UBE2L3: variants seen among roughly 807,000 people sequenced by gnomAD.
UBE2L3 encodes the protein ubiquitin conjugating enzyme E2 L3.
In UBE2L3, 1 loss-of-function variant was observed where a neutral mutation model predicts 17.8. The ratio of observed to expected loss-of-function variants is 0.06; its 90% CI spans 0.02 to 0.27. The LOEUF is 0.27. Ranked by LOEUF, UBE2L3 falls within the 10% of genes least tolerant of loss-of-function variation. The pLI is 1.00. For missense variants in UBE2L3, 40 were observed against 192.6 expected, an observed-to-expected ratio of 0.21 and a Z score of 4.69; for synonymous variants, 44 against 68.5, an observed-to-expected ratio of 0.64 and a Z score of 1.76.
chr22:21,595,757 T>C (rs1468204367), intron 2 of UBE2L3, among the ~76,000 whole-genome samples: 1 of 152,210 alleles, frequency 6.6e-6, no homozygotes, highest in African/African-American at 2.4e-5. Context: ...ACATTTTGTG[T>C]ACTGCCCTTT....
At chr22:21,573,286 G>T (rs1476915390) in intron 1 of UBE2L3, among the ~76,000 whole-genome samples, 1 of 151,992 alleles carries the variant, frequency 6.6e-6, no homozygotes, top group East Asian at 1.9e-4. Context: ...TTCCTTCAAG[G>T]TCTTGTCTCA....
At chr22:21,572,210 G>A (rs753879085) in intron 1 of UBE2L3, among the ~76,000 whole-genome samples, 8 of 151,958 alleles carry the variant, frequency 5.3e-5, no homozygotes, top group South Asian at 2.1e-4. Flanking sequence ...CGAGGTGGGC[G>A]GATCATGAGG....
At chr22:21,565,754 CAAAAA>C (rs131662), upstream of UBE2L3, among the ~76,000 whole-genome samples, 7 of 30,276 alleles carry the variant, frequency 2.3e-4, no homozygotes, top group African/African-American at 6.6e-4. Context: ...AACTGTGTCT[CAAAAA>C]AAAAAAAAAA....
At chr22:21,575,357 G>A (rs907993811) in intron 1 of UBE2L3, among the ~76,000 whole-genome samples, 8 of 149,814 alleles carry the variant, frequency 5.3e-5, no homozygotes, top group African/African-American at 1.2e-4. Flanking sequence ...AGGTCAAGGC[G>A]GGTGGATCAC....
intron 1 of UBE2L3, among the ~76,000 whole-genome samples, chr22:21,558,580 A>G (rs1234023479): frequency 1.3e-5 from 2 of 151,910 alleles, no homozygotes; most frequent in Admixed American, 6.5e-5. Context: ...GCAGTGAGCC[A>G]AGATAGCACC....
At chr22:21,585,741 C>T (rs1927900000) in intron 1 of UBE2L3, among the ~76,000 whole-genome samples, 1 of 152,028 alleles carries the variant, frequency 6.6e-6, no homozygotes, top group Non-Finnish European at 1.5e-5. Context: ...AGAAGACATC[C>T]TGGGGAAAGA....
intron 1 of UBE2L3, among the ~76,000 whole-genome samples, chr22:21,574,871 A>G (rs958816841): frequency 1.3e-5 from 2 of 152,162 alleles, no homozygotes; most frequent in African/African-American, 4.8e-5. Flanking sequence ...AGGGGGAGGC[A>G]GAAGAATTGC....
At chr22:21,617,283 G>A (rs887800220) in intron 3 of UBE2L3, among the ~76,000 whole-genome samples, 1 of 151,416 alleles carries the variant, frequency 6.6e-6, no homozygotes, top group East Asian at 1.9e-4. Context: ...TTTTTTGTTG[G>A]GGGGACAGAG....
intron 1 of UBE2L3, among the ~76,000 whole-genome samples, chr22:21,576,112 CT>C (rs35221203): frequency 0.36 from 42,328 of 117,030 alleles, 6,843 homozygotes; most frequent in Middle Eastern, 0.5. Context: ...TTGAAAGCAA[CT>C]TTTTTTTTTT....
intron 1 of UBE2L3, chr22:21,568,466 C>T: frequency 1.0e-6 from 1 of 981,690 alleles, no homozygotes; most frequent in Non-Finnish European, 1.2e-6. Context: ...TCCCGATCTC[C>T]CCTCCCTGAT....
At chr22:21,568,926 A>G (rs1245854870) in intron 1 of UBE2L3, among the ~76,000 whole-genome samples, 5 of 152,106 alleles carry the variant, frequency 3.3e-5, no homozygotes, top group Admixed American at 6.6e-5. Flanking sequence ...AACTTTATAA[A>G]ACTGGAGTGG....
chr22:21,618,160 G>A lies in UBE2L3; in HGVS notation c.311-3355G>A, dbSNP rs185958898. Among the ~76,000 whole-genome samples, 26 of 152,014 alleles carry A rather than the reference G, an allele frequency of 1.7e-4. 1 individual carries two copies. The East Asian group carries it at 4.2e-3, about 25-fold the overall frequency. On this transcript the variant is annotated intron_variant, in intron 3 of 3. Coordinates refer to ENST00000342192, the MANE Select transcript of UBE2L3 (RefSeq NM_003347.4). ...TGTGCCACTGCACTCCAGCCTGGGC[G>A]ACAGAGTGAGACGCCATCTCAATTA... is the stretch of plus-strand genomic sequence containing the variant.
At chr22:21,601,985 A>C (rs1284451807) in intron 2 of UBE2L3, among the ~76,000 whole-genome samples, 2 of 145,874 alleles carry the variant, frequency 1.4e-5, no homozygotes, top group Non-Finnish European at 3.0e-5. Context: ...AAAAAAAAAA[A>C]GACAAACCAG....
intron 1 of UBE2L3, among the ~76,000 whole-genome samples, chr22:21,583,194 C>T (rs1264002287): frequency 3.9e-5 from 6 of 152,168 alleles, no homozygotes; most frequent in Admixed American, 3.9e-4. Context: ...CACACATGGA[C>T]ACCTGTTCTC....
intron 2 of UBE2L3, among the ~76,000 whole-genome samples, chr22:21,603,907 A>ATTT (rs144747629): frequency 2.6e-4 from 29 of 111,324 alleles, no homozygotes; most frequent in African/African-American, 4.5e-4. Context: ...GTGTTTTTTG[A>ATTT]TTTTTTTTTT....
intron 2 of UBE2L3, among the ~76,000 whole-genome samples, chr22:21,594,836 T>C (rs892106603): frequency 3.3e-5 from 5 of 152,108 alleles, no homozygotes; most frequent in Non-Finnish European, 5.9e-5. Context: ...CTTTTCTAAT[T>C]GAGATTGTGT....
chr22:21,562,376 C>CTT (rs1211084908), intron 1 of UBE2L3, among the ~76,000 whole-genome samples: 6 of 123,318 alleles, frequency 4.9e-5, no homozygotes, highest in African/African-American at 1.9e-4. Flanking sequence ...TTCTTTTTTT[C>CTT]TTTTTTTTTT....
chr22:21,566,453 G>A (rs1195823521), upstream of UBE2L3, among the ~76,000 whole-genome samples: 1 of 152,012 alleles, frequency 6.6e-6, no homozygotes, highest in Non-Finnish European at 1.5e-5. Flanking sequence ...AGGGTGTGGT[G>A]GAACGTGCCT....
intron 1 of UBE2L3, among the ~76,000 whole-genome samples, chr22:21,556,218 GAC>G (rs1290754692): frequency 2.0e-5 from 3 of 152,130 alleles, no homozygotes; most frequent in Non-Finnish European, 4.4e-5. Flanking sequence ...GAGACATAGT[GAC>G]ACCCTGTTTC....
Sources: gnomAD v4.1 joint callset for allele counts (sites outside exome capture counted in the v4.1 genomes callset) on GRCh38, gnomAD v4.1.1 for gene constraint, MANE v1.5 for transcripts, NCBI Gene and HGNC (gene_info 2026-07-23, HGNC 2026-07-21) for gene names.